The following SFSWAP variants were observed in gnomAD, a reference collection of about 807,000 sequenced individuals.
The protein encoded by SFSWAP is splicing factor, suppressor of white-apricot homolog.
SFSWAP carries 17 observed loss-of-function variants against 100.7 expected under a neutral mutation model. The observed-to-expected ratio is 0.17, with a 90% CI of 0.12 to 0.25. The LOEUF (loss-of-function observed/expected upper bound fraction) is 0.25, where lower values mean the gene tolerates loss of function less well. SFSWAP is among the 10% of genes least tolerant of loss of function. The pLI is 1.00. For missense variants in SFSWAP, 1,005 were observed against 1,262.6 expected (o/e 0.80, Z 3.09); for synonymous variants, 504 against 510.1 (o/e 0.99, Z 0.16).
intron 11 of SFSWAP, 92 bp from the exon 12 acceptor site, chr12:131,764,364 C>T: frequency 1.0e-6 from 1 of 979,310 alleles, no homozygotes. Flanking sequence ...CTAGTCATCC[C>T]CTTCCCAGCA....
intron 7 of SFSWAP, among the ~76,000 whole-genome samples, chr12:131,752,080 A>G (rs1341962652): frequency 3.3e-5 from 5 of 152,258 alleles, no homozygotes; most frequent in Non-Finnish European, 5.9e-5. Context: ...CTGCCTCGCC[A>G]ATCTAAGATG....
rs748814276 is a variant in SFSWAP at position 131,711,245 on chromosome 12, G to C, written c.16G>C (p.Gly6Arg). 1.2e-6 allele frequency: 2 copies of C among 1,605,458 alleles called. No homozygotes were observed. Among genetic ancestry groups the C allele is most frequent in the South Asian group, 1.1e-5 (1 of 90,720 alleles). MYGAS[G>R]GRAKPERKSG... ...GGACGCTGTCATGTACGGCGCGAGC[G>C]GGGGCCGCGCCAAACCCGAGAGGAA... The change falls in exon 1 of 18, where the codon GGG becomes CGG. Residue 6 changes from glycine to arginine, a missense_variant. This residue lies in a region of SFSWAP where 237 missense variants were observed against 337.0 expected (regional missense o/e 0.70). Coordinates refer to ENST00000261674, the MANE Select transcript of SFSWAP (RefSeq NM_004592.4). The surrounding 1 kb of genome is among the most constrained non-coding windows in gnomAD (Gnocchi z 4.9).
intron 13 of SFSWAP, 118 bp downstream of exon 13, chr12:131,766,426 C>G (rs903106990): frequency 2.3e-6 from 2 of 885,144 alleles, no homozygotes; most frequent in African/African-American, 1.7e-5. Flanking sequence ...GAGCTCCCAG[C>G]TCTTCCTCCC....
At chr12:131,765,583 G>A (rs1479905185) in intron 12 of SFSWAP, among the ~76,000 whole-genome samples, 1 of 152,084 alleles carries the variant, frequency 6.6e-6, no homozygotes, top group Non-Finnish European at 1.5e-5. Context: ...GGGAGGCAGA[G>A]GTTGCAGTGA....
intron 13 of SFSWAP, among the ~76,000 whole-genome samples, chr12:131,773,883 G>A (rs561654569): frequency 1.3e-5 from 2 of 152,282 alleles, no homozygotes; most frequent in East Asian, 3.9e-4. Context: ...GGAGAGTGGC[G>A]GCTCCGGGAC....
intron 13 of SFSWAP, among the ~76,000 whole-genome samples, chr12:131,774,325 T>A (rs1014993883): frequency 6.6e-6 from 1 of 152,246 alleles, no homozygotes; most frequent in Admixed American, 6.5e-5. Context: ...AGTCTGCTTT[T>A]GAGCGGTTTG....
At chr12:131,754,587 T>A (rs1190102628) in intron 9 of SFSWAP, 88 bp downstream of exon 9, 3 of 958,978 alleles carry the variant, frequency 3.1e-6, no homozygotes, top group Admixed American at 3.3e-5. Context: ...ACAGAATTAA[T>A]TTTTTTATAT....
chr12:131,713,088 T>C (rs1235861579), intron 1 of SFSWAP: 1 of 152,354 alleles, frequency 6.6e-6, no homozygotes, highest in Non-Finnish European at 1.5e-5. Flanking sequence ...TGGTCTACAT[T>C]AATATTTTTG....
rs1057394542 is a variant in SFSWAP, at chr12:131,753,279, C to T, written c.1238C>T (p.Pro413Leu). The change falls in exon 8 of 18, where the codon CCA becomes CTA. Residue 413 changes from proline to leucine, a missense_variant. Coordinates refer to ENST00000261674, the MANE Select transcript of SFSWAP (RefSeq NM_004592.4). ...SNSPGVTTTA[P>L]PPPGTTPLPP... is the part of the protein sequence containing the mutation. ...TCCCCTGGAGTGACGACCACCGCCC[C>T]ACCACCTCCTGGGACCACACCACTA... The T allele has an allele frequency of 1.5e-5, 25 of 1,613,406 alleles. No homozygotes were observed. The highest frequency in any genetic ancestry group is 2.1e-5 in the Non-Finnish European group (25 of 1,179,480).
At position 131,766,230 on chromosome 12, in the gene SFSWAP, G is replaced by A. The variant is rs201232698; in HGVS notation, c.2064G>A (p.Ala688=). 5.5e-5 allele frequency: 89 copies of A among 1,614,194 alleles called. No individual in the cohort carries two copies. Among genetic ancestry groups the A allele is most frequent in the Middle Eastern group, 3.3e-4 (2 of 6,062 alleles). Reference sequence around the variant, plus strand: ...AAGCAGAACGTAAAAGGAAAGCGGCGTTATTTTTACAGACCCTCAAAAATC... The same window carrying A: ...AAGCAGAACGTAAAAGGAAAGCGGCATTATTTTTACAGACCCTCAAAAATC... ...QLQAERKRKA[A]LFLQTLKNPL... The change falls in exon 13 of 18, where the codon GCG becomes GCA. Residue 688 remains alanine (A), a synonymous_variant. Transcript: ENST00000261674.
intron 13 of SFSWAP, among the ~76,000 whole-genome samples, chr12:131,777,785 C>T (rs1884144672): frequency 6.6e-6 from 1 of 152,148 alleles, no homozygotes; most frequent in East Asian, 1.9e-4. Flanking sequence ...CTCTAATACT[C>T]TAATACTGTG....
chr12:131,768,924 G>A (rs966545872), intron 13 of SFSWAP, among the ~76,000 whole-genome samples: 1 of 152,268 alleles, frequency 6.6e-6, no homozygotes, highest in East Asian at 1.9e-4. Context: ...AGGAGTTCGA[G>A]ATCAGTCTGG....
intron 15 of SFSWAP, among the ~76,000 whole-genome samples, chr12:131,789,909 C>T (rs1885133867): frequency 6.6e-6 from 1 of 152,222 alleles, no homozygotes; most frequent in Non-Finnish European, 1.5e-5. Context: ...TTGATTAAGT[C>T]TGCATCTGCC....
chr12:131,793,248 A>AT (rs927362633), intron 15 of SFSWAP, among the ~76,000 whole-genome samples: 4 of 151,274 alleles, frequency 2.6e-5, no homozygotes, highest in Non-Finnish European at 5.9e-5. Flanking sequence ...TGCCCAGCTA[A>AT]TTTTTTTTTA....
intron 11 of SFSWAP, among the ~76,000 whole-genome samples, chr12:131,757,751 A>G (rs1213581322): frequency 6.6e-6 from 1 of 152,174 alleles, no homozygotes; most frequent in Non-Finnish European, 1.5e-5. Flanking sequence ...TAACTAGGCA[A>G]TTCACTATAT....
intron 5 of SFSWAP, among the ~76,000 whole-genome samples, chr12:131,726,498 CTG>C (rs1488714754): frequency 6.6e-6 from 1 of 152,264 alleles, no homozygotes; most frequent in Non-Finnish European, 1.5e-5. Context: ...GCGTGAGCCA[CTG>C]TGCCCGGCCC....
At position 131,734,802 on chromosome 12, in the gene SFSWAP, C is replaced by T. The variant is rs1368113108; in HGVS notation, c.1081+6374C>T. 6.6e-6 allele frequency among the ~76,000 whole-genome samples: 1 copy of T among 152,094 alleles called. No individual in the cohort carries two copies. The highest frequency in any genetic ancestry group is 2.4e-5 in the African/African-American group (1 of 41,396). On this transcript the variant is annotated intron_variant, in intron 7 of 17. Coordinates refer to ENST00000261674, the MANE Select transcript of SFSWAP (RefSeq NM_004592.4). This position sits in a 1 kb window ranked among gnomAD's most constrained non-coding sequence, Gnocchi z 4.9. ...GATGAACGAGCTCTCCCTGCGTGCG[C>T]ACGTCTACGTACGCTCGTGTATGCT... is the stretch of plus-strand genomic sequence containing the variant.
At position 131,750,266 on chromosome 12, in the gene SFSWAP, C is replaced by T. The variant is rs575828283; in HGVS notation, c.1082-2857C>T. 1.6e-4 allele frequency among the ~76,000 whole-genome samples: 25 copies of T among 152,324 alleles called. 1 individual carries two copies. In the South Asian group the frequency reaches 4.6e-3, roughly 28 times the overall value. ...CATGAACCACTGTGGTGTTGGTTCC[C>T]GGGCTGCCTCCGAGCATGGCAGTGC... On this transcript the variant is annotated intron_variant, in intron 7 of 17. Coordinates refer to ENST00000261674, the MANE Select transcript of SFSWAP (RefSeq NM_004592.4).
At chr12:131,750,293 A>C (rs540238811) in intron 7 of SFSWAP, among the ~76,000 whole-genome samples, 5 of 152,268 alleles carry the variant, frequency 3.3e-5, no homozygotes, top group Non-Finnish European at 7.3e-5. Flanking sequence ...TGGCAGTGCC[A>C]TAGGACACGT....
Sources: gnomAD v4.1 joint callset for allele counts (sites outside exome capture counted in the v4.1 genomes callset) on GRCh38, gnomAD v4.1.1 for gene constraint, gnomAD v4.1.1 regional missense constraint, Gnocchi (gnomAD v3.1) non-coding constraint, MANE v1.5 for transcripts, NCBI Gene and HGNC (gene_info 2026-07-23, HGNC 2026-07-21) for gene names.